LMO1: variants seen among roughly 807,000 people sequenced by gnomAD.
The protein encoded by LMO1 is LIM domain only 1.
Under a neutral mutation model 18.0 loss-of-function variants are expected in LMO1, and 10 were observed. The ratio of observed to expected loss-of-function variants is 0.55; its 90% CI spans 0.34 to 0.94. The LOEUF is 0.94. Among genes scored for constraint, LMO1 ranks in the 40% least tolerant of loss-of-function variants. LMO1 has a pLI of 0.02. For synonymous variants in LMO1, 77 were observed against 77.9 expected, an observed-to-expected ratio of 0.99 and a Z score of 0.06; for missense variants, 183 against 205.7, an observed-to-expected ratio of 0.89 and a Z score of 0.68.
chr11:8,226,395 C>T (rs1048227427), intron 3 of LMO1, among the ~76,000 whole-genome samples: 4 of 152,120 alleles, frequency 2.6e-5, no homozygotes, highest in African/African-American at 9.7e-5. Flanking sequence ...CGCCTGTAGT[C>T]CCAGCTACTT....
upstream of LMO1, among the ~76,000 whole-genome samples, chr11:8,266,074 C>A (rs1013778135): frequency 2.0e-5 from 3 of 152,208 alleles, no homozygotes; most frequent in African/African-American, 4.8e-5. Context: ...TGGAGCAGGC[C>A]TGGGGTGCTG....
At chr11:8,224,821 T>A in intron 3 of LMO1, 100 bp from the exon 4 acceptor site, 1 of 723,660 alleles carries the variant, frequency 1.4e-6, no homozygotes, top group Non-Finnish European at 2.4e-6. Flanking sequence ...GTGAGCTATG[T>A]GGGAGGTGGT....
At chr11:8,236,691 G>A (rs1391877705) in intron 1 of LMO1, among the ~76,000 whole-genome samples, 2 of 152,160 alleles carry the variant, frequency 1.3e-5, no homozygotes, top group South Asian at 2.1e-4. Context: ...ACTTCCCCAC[G>A]TCCACATGAT....
intron 1 of LMO1, among the ~76,000 whole-genome samples, chr11:8,231,454 G>A (rs146031053): frequency 5.9e-5 from 9 of 152,366 alleles, no homozygotes; most frequent in South Asian, 4.1e-4. Context: ...CACAGGGACC[G>A]TTGAGGAGGA....
intron 1 of LMO1, among the ~76,000 whole-genome samples, chr11:8,241,217 G>A (rs754167543): frequency 2.0e-5 from 3 of 152,008 alleles, no homozygotes; most frequent in Non-Finnish European, 4.4e-5. Context: ...CAGAAACTAA[G>A]TGTCGTCTTC....
intron 1 of LMO1, among the ~76,000 whole-genome samples, 177 bp downstream of exon 1, chr11:8,263,161 G>A (rs1329347531): frequency 1.3e-5 from 2 of 151,102 alleles, no homozygotes; most frequent in Non-Finnish European, 3.0e-5. Context: ...CGCAAGTTCC[G>A]CCCGGCTGTC....
At chr11:8,260,682 G>T (rs1590565597) in intron 1 of LMO1, among the ~76,000 whole-genome samples, 1 of 152,094 alleles carries the variant, frequency 6.6e-6, no homozygotes, top group Non-Finnish European at 1.5e-5. Context: ...AGTGCAACAT[G>T]AAAGCCCTGC....
At chr11:8,262,767 C>T (rs1406914385) in intron 1 of LMO1, among the ~76,000 whole-genome samples, 1 of 152,214 alleles carries the variant, frequency 6.6e-6, no homozygotes, top group Non-Finnish European at 1.5e-5. Context: ...CCGAGTCACG[C>T]TCATGCAGAT....
At chr11:8,251,448 G>A (rs1317614293) in intron 1 of LMO1, among the ~76,000 whole-genome samples, 1 of 152,216 alleles carries the variant, frequency 6.6e-6, no homozygotes, top group African/African-American at 2.4e-5. Context: ...TAACAGCCAG[G>A]AAAGAAGCGG....
At chr11:8,227,430 C>A (rs1221121065) in intron 2 of LMO1, among the ~76,000 whole-genome samples, 1 of 152,224 alleles carries the variant, frequency 6.6e-6, no homozygotes, top group Non-Finnish European at 1.5e-5. Context: ...GGGCCCTGAG[C>A]AAGCCTGAAT....
chr11:8,268,581 A>T (rs1199455495), upstream of LMO1: 2 of 568,804 alleles, frequency 3.5e-6, no homozygotes, highest in African/African-American at 3.9e-5. Context: ...GCGACCGCCG[A>T]CGGGGGCAGA....
chr11:8,229,638 G>A (rs1018119018), intron 2 of LMO1, among the ~76,000 whole-genome samples: 1 of 152,224 alleles, frequency 6.6e-6, no homozygotes, highest in Non-Finnish European at 1.5e-5. Flanking sequence ...GTGAGTTAGA[G>A]CTCAGAGGAA....
At chr11:8,244,176 G>T (rs1263635899) in intron 1 of LMO1, among the ~76,000 whole-genome samples, 1 of 148,300 alleles carries the variant, frequency 6.7e-6, no homozygotes. Flanking sequence ...CACCGGGAAA[G>T]GAGGCTGGGG....
intron 1 of LMO1, among the ~76,000 whole-genome samples, chr11:8,258,175 G>A (rs1231353379): frequency 1.3e-5 from 2 of 152,190 alleles, no homozygotes; most frequent in African/African-American, 2.4e-5. Flanking sequence ...TGGCACACTG[G>A]GACACCTCTA....
At chr11:8,236,058 C>A (rs1278577633) in intron 1 of LMO1, among the ~76,000 whole-genome samples, 1 of 152,212 alleles carries the variant, frequency 6.6e-6, no homozygotes, top group Non-Finnish European at 1.5e-5. Context: ...TAGAAGGAAG[C>A]CACCCTATCT....
chr11:8,249,702 C>T (rs1314980692), intron 1 of LMO1, among the ~76,000 whole-genome samples: 1 of 152,192 alleles, frequency 6.6e-6, no homozygotes, highest in Non-Finnish European at 1.5e-5. Flanking sequence ...CACCCTGCAG[C>T]CTCACTGATG....
At chr11:8,259,716 G>A (rs1416293233) in intron 1 of LMO1, among the ~76,000 whole-genome samples, 1 of 152,204 alleles carries the variant, frequency 6.6e-6, no homozygotes, top group Admixed American at 6.5e-5. Context: ...ATTCTCTGTG[G>A]TCTAGAACAT....
Position 8,252,911 on chromosome 11 carries a change from G to GA in LMO1, c.25+10426dup, listed in dbSNP as rs1381141387. Among the ~76,000 whole-genome samples, 4 of 152,234 alleles carry GA rather than the reference G, an allele frequency of 2.6e-5. No individual in the cohort carries two copies. In the East Asian group the frequency reaches 7.7e-4, roughly 29 times the overall value. ...GCTGCTAATTTTGGAATGTGTGTTG[G>GA]AATGTGTTACGCAGCTGTAGATAAT... is the stretch of plus-strand genomic sequence containing the variant. On this transcript the variant is annotated intron_variant, in intron 1 of 3. Transcript: ENST00000335790.
chr11:8,241,564 C>A (rs535925515), intron 1 of LMO1, among the ~76,000 whole-genome samples: 2 of 152,222 alleles, frequency 1.3e-5, no homozygotes, highest in Admixed American at 6.5e-5. Context: ...TGCCTCAGGG[C>A]CTTTGCACAT....
Sources: allele counts gnomAD v4.1 joint callset (sites outside exome capture counted in the v4.1 genomes callset), GRCh38; gene constraint gnomAD v4.1.1; transcripts MANE v1.5; gene names NCBI Gene and HGNC (gene_info 2026-07-23, HGNC 2026-07-21).